NGEF: variants seen among roughly 807,000 people sequenced by gnomAD.
The protein encoded by NGEF is neuronal guanine nucleotide exchange factor.
NGEF carries 31 observed loss-of-function variants against 80.9 expected under a neutral mutation model. That is an observed-to-expected ratio of 0.38 (90% CI 0.29 to 0.52). The LOEUF is 0.52. Among genes scored for constraint, NGEF ranks in the 20% least tolerant of loss-of-function variants. NGEF has a pLI of 0.84. For missense variants in NGEF, 709 were observed against 926.2 expected, an observed-to-expected ratio of 0.77 and a Z score of 3.04; for synonymous variants, 371 against 370.2, an observed-to-expected ratio of 1.00 and a Z score of -0.03.
At chr2:232,883,861 A>C in intron 11 of NGEF, 120 bp downstream of exon 11, 1 of 1,084,286 alleles carries the variant, frequency 9.2e-7, no homozygotes, top group Admixed American at 2.9e-5. Flanking sequence ...AGACCTTTAA[A>C]CCTGACCGAA....
At chr2:232,944,726 A>AACATATATATATATATATATAT (rs988760226) in intron 3 of NGEF, among the ~76,000 whole-genome samples, 9 of 108,748 alleles carry the variant, frequency 8.3e-5, no homozygotes, top group Admixed American at 5.7e-4. Flanking sequence ...GACTTTTCCG[A>AACATATATATATATATATATAT]ATATATATAT....
At chr2:232,888,252 GCATA>G (rs569430641) in intron 8 of NGEF, 145 bp from the exon 9 acceptor site, 162 of 607,898 alleles carry the variant, frequency 2.7e-4, no homozygotes, top group African/African-American at 2.5e-3. Flanking sequence ...GCACGCACAC[GCATA>G]CATGCATGCA....
At chr2:232,952,133 A>G (rs972734118) in intron 3 of NGEF, among the ~76,000 whole-genome samples, 2 of 152,240 alleles carry the variant, frequency 1.3e-5, no homozygotes, top group Admixed American at 1.3e-4. Flanking sequence ...TGCCTCAGGC[A>G]GAGACCTGGT....
At chr2:232,881,339 AT>A in intron 13 of NGEF, 89 bp from the exon 14 acceptor site, 1 of 961,844 alleles carries the variant, frequency 1.0e-6, no homozygotes, top group Non-Finnish European at 1.6e-6. Context: ...CCTGCCTAGA[AT>A]AGGAAAACTC....
chr2:232,900,556 ACT>A (rs1331647867), intron 5 of NGEF, among the ~76,000 whole-genome samples: 1 of 109,910 alleles, frequency 9.1e-6, no homozygotes. Flanking sequence ...ATACACGTTC[ACT>A]CACATTCACT....
intron 1 of NGEF, among the ~76,000 whole-genome samples, chr2:233,001,021 T>C (rs2106343219): frequency 6.6e-6 from 1 of 152,288 alleles, no homozygotes; most frequent in South Asian, 2.1e-4. Context: ...CCGAGCCCCT[T>C]CCTTGGGAGC....
intron 3 of NGEF, among the ~76,000 whole-genome samples, chr2:232,963,507 C>G (rs1307870309): frequency 6.6e-6 from 1 of 151,922 alleles, no homozygotes; most frequent in Non-Finnish European, 1.5e-5. Context: ...TTAAAAATTT[C>G]TGCTCATTAA....
In NGEF at chr2:232,882,205, C is replaced by T. The variant is rs145682873; in HGVS notation, c.1818G>A (p.Ser606=). Residue 606 remains serine, a synonymous_variant, in exon 13 of 15, where the codon TCG becomes TCA. Transcript: ENST00000264051. ...ACTTACCCAGCAGCCGGGATGTGAA[C>T]GAAACAAACTTGGTCCTCCTGTTGG... ...LAPNRRTKFV[S]FTSRLLDCPQ... 64 of 1,613,764 alleles carry T rather than the reference C, an allele frequency of 4.0e-5. 1 individual carries two copies. Among genetic ancestry groups the T allele is most frequent in the South Asian group, 3.1e-4 (28 of 91,002 alleles).
intron 1 of NGEF, among the ~76,000 whole-genome samples, chr2:232,979,969 C>G (rs1344747756): frequency 6.6e-6 from 1 of 152,124 alleles, no homozygotes; most frequent in Non-Finnish European, 1.5e-5. Flanking sequence ...GCAGCTGCCA[C>G]TCTCAGAGCT....
At chr2:232,938,595 A>G (rs1286640714) in intron 3 of NGEF, among the ~76,000 whole-genome samples, 2 of 152,096 alleles carry the variant, frequency 1.3e-5, no homozygotes, top group Non-Finnish European at 1.5e-5. Context: ...AGGGGCACCT[A>G]AGGGGTAAAT....
At chr2:232,941,684 A>G (rs1229551231) in intron 3 of NGEF, among the ~76,000 whole-genome samples, 1 of 152,212 alleles carries the variant, frequency 6.6e-6, no homozygotes, top group Non-Finnish European at 1.5e-5. Flanking sequence ...TAATGCGCAT[A>G]AATGTAGAGC....
At chr2:232,928,997 G>A (rs1259756964) in intron 3 of NGEF, among the ~76,000 whole-genome samples, 7 of 152,224 alleles carry the variant, frequency 4.6e-5, no homozygotes, top group Non-Finnish European at 8.8e-5. Context: ...GGTGTGGCGA[G>A]GATATCTAGC....
At chr2:232,886,672 T>C (rs1027683922) in intron 9 of NGEF, among the ~76,000 whole-genome samples, 4 of 151,482 alleles carry the variant, frequency 2.6e-5, no homozygotes, top group Non-Finnish European at 5.9e-5. Flanking sequence ...ATAAGAAAAA[T>C]GAAGATGAAA....
rs970013301 is a variant in NGEF at position 232,954,866 on chromosome 2, T to A, written c.383+15348A>T. Among the ~76,000 whole-genome samples the A allele has an allele frequency of 1.8e-4, 27 of 151,378 alleles. No individual in the cohort carries two copies. The East Asian group carries it at 4.3e-3, about 24-fold the overall frequency. ...TGAATAGAAACTATCCAGGCACCAG[T>A]GTGGGTGGGGGAACAGCAGGTGCAA... On this transcript the variant is annotated intron_variant, in intron 3 of 14. Coordinates refer to ENST00000264051, the MANE Select transcript of NGEF (RefSeq NM_019850.3).
chr2:232,883,037 C>G (rs1205788733), intron 12 of NGEF, among the ~76,000 whole-genome samples: 7 of 150,452 alleles, frequency 4.7e-5, no homozygotes, highest in African/African-American at 9.8e-5. Context: ...CGCCCAGAGT[C>G]TGAAGCCCCA....
intron 5 of NGEF, among the ~76,000 whole-genome samples, chr2:232,918,178 G>A (rs1692851899): frequency 6.6e-6 from 1 of 152,122 alleles, no homozygotes; most frequent in Admixed American, 6.5e-5. Context: ...GGCTGGTCTC[G>A]AACTCCTGAC....
rs3811587 is a variant in NGEF, at chr2:232,879,427, C to G, written c.*62G>C. On this transcript the variant is annotated 3_prime_UTR_variant, in exon 15 of 15. Coordinates refer to ENST00000264051, the MANE Select transcript of NGEF (RefSeq NM_019850.3). ...TGGCCTGTGCTTCCCAGAGCCCCCC[C>G]CCCCCCACCTTCTGTCGGGGTCTCA... is the stretch of plus-strand genomic sequence containing the variant. 69 of 1,439,042 alleles carry G rather than the reference C, an allele frequency of 4.8e-5. 1 individual carries two copies. Among genetic ancestry groups the G allele is most frequent in the Non-Finnish European group, 6.1e-5 (64 of 1,056,048 alleles). The allele number at this position is 1,439,042 out of a possible 1,614,324, so 89.1% of individuals were successfully genotyped here.
intron 3 of NGEF, among the ~76,000 whole-genome samples, chr2:232,943,492 G>A (rs890493151): frequency 1.4e-5 from 2 of 140,774 alleles, no homozygotes; most frequent in Non-Finnish European, 3.1e-5. Flanking sequence ...AAGGTGGAAT[G>A]CTCTACATTT....
chr2:232,883,208 C>T (rs915361320), intron 12 of NGEF, 103 bp downstream of exon 12: 33 of 1,342,434 alleles, frequency 2.5e-5, no homozygotes, highest in African/African-American at 1.8e-4. Flanking sequence ...CCACACAGAG[C>T]GTGTGTGGTG....
Sources: gnomAD v4.1 joint callset for allele counts (sites outside exome capture counted in the v4.1 genomes callset) on GRCh38, gnomAD v4.1.1 for gene constraint, MANE v1.5 for transcripts, NCBI Gene and HGNC (gene_info 2026-07-23, HGNC 2026-07-21) for gene names.